GLB1: variants seen among roughly 807,000 people sequenced by gnomAD.
The protein encoded by GLB1 is galactosidase beta 1.
A neutral mutation model predicts 74.0 loss-of-function variants in GLB1; 56 were observed. The observed-to-expected ratio is 0.76, with a 90% confidence interval of 0.61 to 0.94. The LOEUF (loss-of-function observed/expected upper bound fraction) is 0.94, where lower values mean the gene tolerates loss of function less well. Among genes scored for constraint, GLB1 ranks in the 40% least tolerant of loss-of-function variants. GLB1 has a pLI of 0.00. For missense variants in GLB1, 787 were observed against 845.5 expected, an observed-to-expected ratio of 0.93 and a Z score of 0.86; for synonymous variants, 323 against 323.6, an observed-to-expected ratio of 1.00 and a Z score of 0.02.
At chr3:33,085,031 C>T (rs556382450) in intron 1 of GLB1, among the ~76,000 whole-genome samples, 1 of 152,190 alleles carries the variant, frequency 6.6e-6, no homozygotes, top group South Asian at 2.1e-4. Context: ...AATCCCAGCA[C>T]TTTGGGAGGC....
intron 1 of GLB1, chr3:33,090,761 T>C (rs759335347): frequency 1.0e-6 from 1 of 985,358 alleles, no homozygotes; most frequent in Non-Finnish European, 1.2e-6. Context: ...ACAAACCACA[T>C]ACGAGAGGGT....
At chr3:33,000,080 C>T (rs571019040) in intron 15 of GLB1, among the ~76,000 whole-genome samples, 130 of 151,858 alleles carry the variant, frequency 8.6e-4, no homozygotes, top group African/African-American at 2.9e-3. Context: ...GCTGGGACTA[C>T]GGGCATGCCC....
chr3:33,066,048 G>C (rs893692566), intron 4 of GLB1, among the ~76,000 whole-genome samples: 3 of 152,018 alleles, frequency 2.0e-5, no homozygotes, highest in Admixed American at 1.3e-4. Context: ...TGGCAGCAGA[G>C]ATCAGGATAT....
At chr3:32,976,311 C>T in the GLB1 span, among the ~76,000 whole-genome samples, 3 of 152,184 alleles carry the variant, frequency 2.0e-5, no homozygotes, top group Non-Finnish European at 4.4e-5. Flanking sequence ...CTATCGAGGG[C>T]CTTTTCTGCT....
chr3:32,990,471 AT>A, the GLB1 span, among the ~76,000 whole-genome samples: 1 of 152,186 alleles, frequency 6.6e-6, no homozygotes, highest in Admixed American at 6.5e-5. Flanking sequence ...TATTGAATGA[AT>A]GTCTATTGGG....
At chr3:33,048,390 G>A (rs529073483) in intron 9 of GLB1, among the ~76,000 whole-genome samples, 2 of 152,348 alleles carry the variant, frequency 1.3e-5, no homozygotes, top group East Asian at 3.9e-4. Flanking sequence ...TGTGAGGTGG[G>A]AAGGTGAAAG....
intron 15 of GLB1, among the ~76,000 whole-genome samples, chr3:33,008,189 AAG>A (rs1696861776): frequency 1.3e-5 from 2 of 152,144 alleles, no homozygotes; most frequent in African/African-American, 4.8e-5. Context: ...AGGGGAGAAA[AAG>A]AGGGATCGAG....
chr3:33,027,754 C>T (rs1051506752), intron 10 of GLB1, among the ~76,000 whole-genome samples: 3 of 152,006 alleles, frequency 2.0e-5, no homozygotes, highest in African/African-American at 7.3e-5. Context: ...TGCACTCCAG[C>T]CTGGGTGACA....
At chr3:33,052,091 G>T in intron 7 of GLB1, 87 bp from the exon 8 acceptor site, 1 of 1,597,768 alleles carries the variant, frequency 6.3e-7, no homozygotes, top group East Asian at 2.2e-5. Context: ...TCTATGACAG[G>T]TGTAAAGGGG....
At chr3:33,090,589 T>C (rs1157094761) in intron 1 of GLB1, 1 of 985,218 alleles carries the variant, frequency 1.0e-6, no homozygotes, top group East Asian at 1.1e-4. Context: ...TCAAGTAACG[T>C]TTCTCACCAC....
intron 15 of GLB1, among the ~76,000 whole-genome samples, chr3:33,000,007 A>G (rs1227945990): frequency 6.6e-6 from 1 of 151,792 alleles, no homozygotes; most frequent in Non-Finnish European, 1.5e-5. Context: ...CACCCAGGCT[A>G]GAATGCAGTG....
At chr3:33,044,433 T>C (rs1698662182) in intron 10 of GLB1, among the ~76,000 whole-genome samples, 1 of 151,832 alleles carries the variant, frequency 6.6e-6, no homozygotes, top group Non-Finnish European at 1.5e-5. Context: ...ACCTTAAATA[T>C]TTATATTAGA....
Position 33,016,753 on chromosome 3 carries a change from T to A in GLB1, c.1435A>T (p.Asn479Tyr). Residue 479 changes from asparagine to tyrosine, a missense_variant, in exon 14 of 16, where the codon AAC (asparagine) becomes TAC (tyrosine). Asn to Tyr is a moderately radical substitution (Grantham distance 143). Transcript: ENST00000307363. ...AGATLDLLVE[N>Y]MGRVNYGAYI... is the part of the protein sequence containing the mutation. Reference sequence around the variant, plus strand: ...GCACCATAGTTCACACGTCCCATGTTCTCTACCAGAAGGTCCAGAGTGGCT... The same window carrying A: ...GCACCATAGTTCACACGTCCCATGTACTCTACCAGAAGGTCCAGAGTGGCT... 6.2e-7 allele frequency: 1 copy of A among 1,614,118 alleles called. No individual in the cohort carries two copies. Among genetic ancestry groups the A allele is most frequent in the Non-Finnish European group, 8.5e-7 (1 of 1,180,002 alleles).
At chr3:33,075,691 G>A (rs1700078960) in intron 1 of GLB1, among the ~76,000 whole-genome samples, 1 of 152,126 alleles carries the variant, frequency 6.6e-6, no homozygotes, top group Non-Finnish European at 1.5e-5. Flanking sequence ...GTTGAGGGGA[G>A]GGGCAAGGGC....
downstream of GLB1, among the ~76,000 whole-genome samples, chr3:32,994,831 G>GA (rs1425796355): frequency 6.7e-6 from 1 of 149,294 alleles, no homozygotes; most frequent in Non-Finnish European, 1.5e-5. Context: ...TGAGGCAGGA[G>GA]AATCGCTTGA....
chr3:33,022,550 T>A (rs1453964809), intron 11 of GLB1, among the ~76,000 whole-genome samples: 1 of 148,362 alleles, frequency 6.7e-6, no homozygotes, highest in Non-Finnish European at 1.5e-5. Context: ...TCCATGACTA[T>A]AATACTGGTT....
At chr3:33,000,181 C>T (rs756200615) in intron 15 of GLB1, among the ~76,000 whole-genome samples, 34 of 152,026 alleles carry the variant, frequency 2.2e-4, no homozygotes, top group Non-Finnish European at 4.0e-4. Flanking sequence ...TCAAGTGATC[C>T]TCCCCCATCA....
the GLB1 span, among the ~76,000 whole-genome samples, chr3:32,966,694 C>A: frequency 6.3e-4 from 96 of 152,292 alleles, no homozygotes; most frequent in Admixed American, 2.3e-3. Context: ...ACCCAAATCT[C>A]ATCTTGAATT....
intron 1 of GLB1, among the ~76,000 whole-genome samples, chr3:33,076,369 C>A (rs959315481): frequency 6.6e-6 from 1 of 152,140 alleles, no homozygotes; most frequent in Non-Finnish European, 1.5e-5. Context: ...TCGAATGAGC[C>A]CTGAAGTCCA....
Sources: gnomAD v4.1 joint callset for allele counts (sites outside exome capture counted in the v4.1 genomes callset) on GRCh38, gnomAD v4.1.1 for gene constraint, MANE v1.5 for transcripts, NCBI Gene and HGNC (gene_info 2026-07-23, HGNC 2026-07-21) for gene names.